Variants in L3MBTL4 observed in about 807,000 individuals in gnomAD.
The protein encoded by L3MBTL4 is L3MBTL histone methyl-lysine binding protein 4, also known as lethal(3)malignant brain tumor-like protein 4.
A neutral mutation model predicts 84.5 loss-of-function variants in L3MBTL4; 70 were observed. The ratio of observed to expected loss-of-function variants is 0.83; its 90% CI spans 0.68 to 1.01. The LOEUF (loss-of-function observed/expected upper bound fraction) is 1.01. L3MBTL4 is among the 50% of genes least tolerant of loss of function. The pLI, the probability that L3MBTL4 is intolerant of heterozygous loss-of-function variation, is 0.00. For missense variants in L3MBTL4, 715 were observed against 754.8 expected (o/e 0.95, Z 0.62); for synonymous variants, 274 against 259.8 (o/e 1.05, Z -0.52).
intron 12 of L3MBTL4, among the ~76,000 whole-genome samples, chr18:6,184,853 A>G (rs557433969): frequency 1.3e-5 from 2 of 152,234 alleles, no homozygotes; most frequent in Non-Finnish European, 2.9e-5. Context: ...TAGAGTCTCA[A>G]GGATAAACAA....
chr18:6,259,540 T>C (rs1726407769), intron 5 of L3MBTL4: 1 of 152,328 alleles, frequency 6.6e-6, no homozygotes, highest in African/African-American at 2.4e-5. Flanking sequence ...GTTCATGTCT[T>C]TTGCCCATTT....
intron 13 of L3MBTL4, among the ~76,000 whole-genome samples, chr18:6,153,034 C>T (rs1429988801): frequency 6.6e-6 from 1 of 152,158 alleles, no homozygotes; most frequent in Non-Finnish European, 1.5e-5. Context: ...TCAAAGATTA[C>T]TTGACCATAT....
intron 16 of L3MBTL4, chr18:6,025,008 C>T (rs2055437711): frequency 6.6e-6 from 1 of 152,170 alleles, no homozygotes; most frequent in African/African-American, 2.4e-5. Context: ...CTTTTCTTTT[C>T]CCTGTTTACT....
At chr18:6,016,751 C>T (rs913476813) in intron 16 of L3MBTL4, among the ~76,000 whole-genome samples, 1 of 152,174 alleles carries the variant, frequency 6.6e-6, no homozygotes, top group Non-Finnish European at 1.5e-5. Flanking sequence ...AATAGGAGAA[C>T]ATGGGAGCCC....
chr18:6,212,424 A>T (rs1349199443), intron 12 of L3MBTL4, among the ~76,000 whole-genome samples: 1 of 152,226 alleles, frequency 6.6e-6, no homozygotes, highest in African/African-American at 2.4e-5. Context: ...TATTATGAAA[A>T]GAAACTATAC....
At chr18:6,090,472 C>T (rs1211110164) in intron 15 of L3MBTL4, among the ~76,000 whole-genome samples, 2 of 151,540 alleles carry the variant, frequency 1.3e-5, no homozygotes, top group Non-Finnish European at 2.9e-5. Context: ...AAAAAATTAT[C>T]CAAATTGTTG....
intron 4 of L3MBTL4, among the ~76,000 whole-genome samples, chr18:6,293,725 C>T (rs1275481000): frequency 6.6e-6 from 1 of 152,124 alleles, no homozygotes; most frequent in Non-Finnish European, 1.5e-5. Flanking sequence ...GATGCAGTGG[C>T]GACGGAAGCA....
intron 7 of L3MBTL4, 88 bp downstream of exon 7, chr18:6,243,206 T>C: frequency 8.2e-7 from 1 of 1,214,712 alleles, no homozygotes; most frequent in Non-Finnish European, 1.1e-6. Flanking sequence ...CACCAGGATC[T>C]CTTCTTCGAA....
intron 13 of L3MBTL4, among the ~76,000 whole-genome samples, chr18:6,157,452 G>C (rs1437628365): frequency 6.6e-6 from 1 of 152,066 alleles, no homozygotes; most frequent in Non-Finnish European, 1.5e-5. Context: ...TAATTCCACA[G>C]AGTTTCAATG....
At chr18:6,100,805 A>T (rs2058799891) in intron 14 of L3MBTL4, among the ~76,000 whole-genome samples, 1 of 152,224 alleles carries the variant, frequency 6.6e-6, no homozygotes. Context: ...GTTGGGCTGC[A>T]GGGAAAGTCC....
At chr18:6,408,212 C>T (rs999329066) in intron 1 of L3MBTL4, among the ~76,000 whole-genome samples, 16 of 152,304 alleles carry the variant, frequency 1.1e-4, no homozygotes, top group African/African-American at 3.6e-4. Context: ...GCCAAATTTC[C>T]CACTCCCAAC....
At chr18:5,967,299 G>A (rs1011366070) in intron 17 of L3MBTL4, among the ~76,000 whole-genome samples, 4 of 152,192 alleles carry the variant, frequency 2.6e-5, no homozygotes, top group African/African-American at 4.8e-5. Flanking sequence ...AAGTCACTTC[G>A]TCTCTGGGTA....
At chr18:6,097,636 A>C (rs1184978545) in intron 14 of L3MBTL4, among the ~76,000 whole-genome samples, 1 of 152,160 alleles carries the variant, frequency 6.6e-6, no homozygotes, top group Non-Finnish European at 1.5e-5. Context: ...CCTCCATCTT[A>C]AAGTCCAGCA....
chr18:6,351,274 A>G (rs2053172732), intron 1 of L3MBTL4, among the ~76,000 whole-genome samples: 1 of 152,170 alleles, frequency 6.6e-6, no homozygotes, highest in Admixed American at 6.5e-5. Flanking sequence ...TAAAGAACAA[A>G]TATTGTATTA....
chr18:6,238,544 G>C (rs941356021), intron 9 of L3MBTL4, among the ~76,000 whole-genome samples: 3 of 151,856 alleles, frequency 2.0e-5, no homozygotes, highest in Non-Finnish European at 2.9e-5. Flanking sequence ...AAAAAAAAAA[G>C]TATAAAATTA....
intron 1 of L3MBTL4, among the ~76,000 whole-genome samples, chr18:6,314,077 GATAGATA>G (rs2050970227): frequency 6.8e-6 from 1 of 147,428 alleles, no homozygotes; most frequent in Non-Finnish European, 1.5e-5. Context: ...TAGATAGATA[GATAGATA>G]GTCTAACACA....
intron 12 of L3MBTL4, among the ~76,000 whole-genome samples, chr18:6,178,203 T>C (rs1420063432): frequency 6.6e-6 from 1 of 152,188 alleles, no homozygotes; most frequent in Non-Finnish European, 1.5e-5. Context: ...TAAATTATCA[T>C]TTCCAGGATT....
intron 16 of L3MBTL4, among the ~76,000 whole-genome samples, chr18:6,021,014 T>C (rs1380118436): frequency 2.0e-5 from 3 of 152,208 alleles, no homozygotes; most frequent in Middle Eastern, 3.4e-3. Context: ...CAAAGGAATC[T>C]GAGAAAGAAG....
intron 13 of L3MBTL4, among the ~76,000 whole-genome samples, chr18:6,140,385 G>T (rs2060159295): frequency 6.6e-6 from 1 of 152,156 alleles, no homozygotes; most frequent in African/African-American, 2.4e-5. Context: ...GCCAACCATG[G>T]ATGGCCCGAA....
Sources: allele counts gnomAD v4.1 joint callset (sites outside exome capture counted in the v4.1 genomes callset), GRCh38; gene constraint gnomAD v4.1.1; transcripts MANE v1.5; gene names NCBI Gene and HGNC (gene_info 2026-07-23, HGNC 2026-07-21).